RNF146: variants seen among roughly 807,000 people sequenced by gnomAD.
RNF146 encodes the protein E3 ubiquitin-protein ligase RNF146.
RNF146 carries 11 observed loss-of-function variants against 29.7 expected under a neutral mutation model. The ratio of observed to expected loss-of-function variants is 0.37; its 90% CI spans 0.23 to 0.61. The LOEUF is 0.61. Among genes scored for constraint, RNF146 ranks in the 20% least tolerant of loss-of-function variants. The pLI, the probability that RNF146 is intolerant of heterozygous loss-of-function variation, is 0.66. For synonymous variants in RNF146, 150 were observed against 159.7 expected, an observed-to-expected ratio of 0.94 and a Z score of 0.46; for missense variants, 342 against 438.9, an observed-to-expected ratio of 0.78 and a Z score of 1.97.
intron 2 of RNF146, among the ~76,000 whole-genome samples, chr6:127,281,291 TTATC>T (rs1778883409): frequency 1.3e-5 from 2 of 151,754 alleles, no homozygotes; most frequent in Non-Finnish European, 3.0e-5. Context: ...TCCTGTCCAT[TTATC>T]TATCTGTATA....
At position 127,271,718 on chromosome 6, in the gene RNF146, A is replaced by G. The variant is rs189698666; in HGVS notation, c.-109+4793A>G. Among the ~76,000 whole-genome samples, 330 of 152,356 alleles carry G rather than the reference A, an allele frequency of 2.2e-3. 1 individual carries two copies. The highest frequency in any genetic ancestry group is 3.7e-3 in the Non-Finnish European group (252 of 68,022). On this transcript the variant is annotated intron_variant, in intron 1 of 2. Transcript: ENST00000368314. ...CGCTTACCCAAGAACATAAAATATT[A>G]CATTAACAATTTATATTGAAACATA...
rs375416929 is a variant in RNF146, at chr6:127,287,389, A to G, written c.776A>G (p.Glu259Gly). 2.5e-6 allele frequency: 4 copies of G among 1,613,338 alleles called. No homozygotes were observed. Among genetic ancestry groups the G allele is most frequent in the Non-Finnish European group, 3.4e-6 (4 of 1,179,646 alleles). Residue 259 changes from glutamate (E) to glycine (G), a missense_variant, in exon 3 of 3, where the codon GAA (glutamate) becomes GGA (glycine). Around this residue, in one of 6 missense-constraint regions of RNF146, gnomAD observed 196 missense variants for 208.9 expected, o/e 0.94. Transcript: ENST00000368314. ...CAACTCAGTGGAGACAACACAGCTG[A>G]AAGGAGTCATAGGGGAGAAGGAGAA... Reference protein sequence around the residue: ...HLQLSGDNTAERSHRGEGEED... With the variant: ...HLQLSGDNTAGRSHRGEGEED...
intron 1 of RNF146, among the ~76,000 whole-genome samples, chr6:127,272,984 G>C (rs1777706652): frequency 6.6e-6 from 1 of 152,156 alleles, no homozygotes; most frequent in Non-Finnish European, 1.5e-5. Context: ...TGTTTATAAG[G>C]TGTCTGTCTG....
At chr6:127,283,468 G>T (rs1254315660) in intron 2 of RNF146, among the ~76,000 whole-genome samples, 1 of 151,718 alleles carries the variant, frequency 6.6e-6, no homozygotes, top group African/African-American at 2.4e-5. Context: ...ATATTGGTAT[G>T]ATCATCTGCA....
At chr6:127,280,602 C>T (rs2114483976) in intron 2 of RNF146, 32 of 1,148,382 alleles carry the variant, frequency 2.8e-5, no homozygotes, top group Non-Finnish European at 3.4e-5. Flanking sequence ...AATAGATCTC[C>T]AGGTCCTCTG....
At chr6:127,277,310 A>ACATAGC (rs1476559617) in intron 1 of RNF146, among the ~76,000 whole-genome samples, 4 of 152,002 alleles carry the variant, frequency 2.6e-5, no homozygotes, top group South Asian at 2.1e-4. Context: ...AAGGAAATGA[A>ACATAGC]CATAGCCTTC....
chr6:127,267,747 C>T (rs1299863758), intron 1 of RNF146, among the ~76,000 whole-genome samples: 2 of 152,090 alleles, frequency 1.3e-5, no homozygotes, highest in Non-Finnish European at 2.9e-5. Context: ...TCAGAATATC[C>T]CTTGAGCCTC....
chr6:127,268,101 T>G (rs1399657545), intron 1 of RNF146, among the ~76,000 whole-genome samples: 1 of 152,210 alleles, frequency 6.6e-6, no homozygotes, highest in Non-Finnish European at 1.5e-5. Flanking sequence ...TTAATATTTT[T>G]GTAATATCGA....
chr6:127,287,254 C>T lies in RNF146; in HGVS notation c.641C>T (p.Pro214Leu), dbSNP rs754963130. 6.2e-7 allele frequency: 1 copy of T among 1,613,308 alleles called. No individual in the cohort carries two copies. Among genetic ancestry groups the T allele is most frequent in the East Asian group, 2.2e-5 (1 of 44,816 alleles). Residue 214 changes from proline (P) to leucine (L), a missense_variant, in exon 3 of 3, where the codon CCC becomes CTC. By Grantham distance (98) the Pro-to-Leu change is moderately conservative. Around this residue, in one of 6 missense-constraint regions of RNF146, gnomAD observed 196 missense variants for 208.9 expected, o/e 0.94. Coordinates refer to ENST00000368314, the MANE Select transcript of RNF146 (RefSeq NM_001242850.2). ...VSAQSGASVQ[P>L]LVSSVRPLTS... ...GCACAGAGTGGAGCTTCTGTTCAGC[C>T]CCTAGTGTCTTCTGTAAGGCCCCTA...
In RNF146 at chr6:127,287,014, A is replaced by G. The variant is rs1335101929; in HGVS notation, c.401A>G (p.Lys134Arg). ...GAAGATGCTTTTTCCAAAGGTAAAAAGAACACTGAAATGTTAATTGCTGGC... is the reference window on the plus strand; with the variant it reads ...GAAGATGCTTTTTCCAAAGGTAAAAGGAACACTGAAATGTTAATTGCTGGC... ...ELEDAFSKGK[K>R]NTEMLIAGFL... The change falls in exon 3 of 3, where the codon AAG (lysine) becomes AGG (arginine). Residue 134 changes from lysine to arginine, a missense_variant. Physicochemically the swap from Lys to Arg is conservative, Grantham distance 26 (BLOSUM62 2). Coordinates refer to ENST00000368314, the MANE Select transcript of RNF146 (RefSeq NM_001242850.2). 1.2e-6 allele frequency: 2 copies of G among 1,613,448 alleles called. No individual in the cohort carries two copies.
At position 127,287,611 on chromosome 6, in the gene RNF146, G is replaced by A. The variant is rs143742264; in HGVS notation, c.998G>A (p.Arg333Gln). 8.1e-6 allele frequency: 13 copies of A among 1,612,818 alleles called. No homozygotes were observed. The highest frequency in any genetic ancestry group is 2.2e-5 in the East Asian group (1 of 44,806). The change falls in exon 3 of 3, where the codon CGA (arginine) becomes CAA (glutamine). Residue 333 changes from arginine to glutamine, a missense_variant. By Grantham distance (43) the Arg-to-Gln change is conservative. Around this residue, in one of 6 missense-constraint regions of RNF146, gnomAD observed 196 missense variants for 208.9 expected, o/e 0.94. Coordinates refer to ENST00000368314, the MANE Select transcript of RNF146 (RefSeq NM_001242850.2). ...CGATCAGATCGATCGGGAACTGATCGATCAGTAGCAGGGGGTGGAACAGTG... is the reference window on the plus strand; with the variant it reads ...CGATCAGATCGATCGGGAACTGATCAATCAGTAGCAGGGGGTGGAACAGTG... The part of the protein sequence containing the change: ...PDRSDRSGTD[R>Q]SVAGGGTVSV...
chr6:127,279,294 A>G (rs1452988547), intron 1 of RNF146, among the ~76,000 whole-genome samples: 1 of 151,804 alleles, frequency 6.6e-6, no homozygotes, highest in Non-Finnish European at 1.5e-5. Flanking sequence ...GTTAACTTTT[A>G]TATATAGTAT....
chr6:127,266,692 A>G, upstream of RNF146: 1 of 152,412 alleles, frequency 6.6e-6, no homozygotes, highest in Non-Finnish European at 1.5e-5. Flanking sequence ...CAAGCAGCGA[A>G]GTCGCCGCTC....
intron 1 of RNF146, among the ~76,000 whole-genome samples, chr6:127,275,928 T>C (rs1383347671): frequency 1.3e-5 from 2 of 152,154 alleles, no homozygotes; most frequent in African/African-American, 4.8e-5. Context: ...TTAAAACCTT[T>C]TAATGTTGTC....
chr6:127,287,404 G>T lies in RNF146; in HGVS notation c.791G>T (p.Gly264Val), dbSNP rs1562294031. Residue 264 changes from glycine (G) to valine (V), a missense_variant, in exon 3 of 3, where the codon GGA (glycine) becomes GTA (valine). Gly to Val is a moderately radical substitution (Grantham distance 109, BLOSUM62 -3). Coordinates refer to ENST00000368314, the MANE Select transcript of RNF146 (RefSeq NM_001242850.2). ...AACACAGCTGAAAGGAGTCATAGGG[G>T]AGAAGGAGAAGAAGATCATGAATCA... ...GDNTAERSHRGEGEEDHESPS... is the reference protein window; with the variant it reads ...GDNTAERSHRVEGEEDHESPS... 1 of 1,613,542 alleles carries T rather than the reference G, an allele frequency of 6.2e-7. No individual in the cohort carries two copies. Among genetic ancestry groups the T allele is most frequent in the East Asian group, 2.2e-5 (1 of 44,834 alleles).
intron 2 of RNF146, chr6:127,280,554 A>G (rs1778792009): frequency 6.4e-6 from 8 of 1,241,380 alleles, no homozygotes; most frequent in Non-Finnish European, 8.1e-6. Flanking sequence ...CTCTATAAGA[A>G]AAACTGAAGA....
At chr6:127,270,419 G>GT (rs1376116471) in intron 1 of RNF146, among the ~76,000 whole-genome samples, 1 of 152,080 alleles carries the variant, frequency 6.6e-6, no homozygotes, top group Admixed American at 6.6e-5. Flanking sequence ...AATTATGTAT[G>GT]TTTGAGTTAT....
chr6:127,277,370 G>C lies in RNF146; in HGVS notation c.-108-2861G>C, dbSNP rs1778354436. On this transcript the variant is annotated intron_variant, in intron 1 of 2. Coordinates refer to ENST00000368314, the MANE Select transcript of RNF146 (RefSeq NM_001242850.2). ...TCCTTGAAGTTGGTGAAAGGGTTGA[G>C]AGGAAAGTCAAAATAGTGGAGTCCA... Among the ~76,000 whole-genome samples the C allele has an allele frequency of 2.6e-5, 4 of 152,038 alleles. No homozygotes were observed. The South Asian group carries it at 6.2e-4, about 24-fold the overall frequency.
chr6:127,281,345 T>C lies in RNF146; in HGVS notation c.2+1005T>C, dbSNP rs140197363. Among the ~76,000 whole-genome samples, 252 of 151,828 alleles carry C rather than the reference T, an allele frequency of 1.7e-3. 9 individuals are homozygous for C. In the East Asian group the frequency reaches 0.046, roughly 28 times the overall value. On this transcript the variant is annotated intron_variant, in intron 2 of 2. Transcript: ENST00000368314. ...TTAATAGGTCAGATAGTCTAGGTGC[T>C]GGTCATCAAGGAACTTACTGTGATC...
Sources: allele counts gnomAD v4.1 joint callset (sites outside exome capture counted in the v4.1 genomes callset), GRCh38; gene constraint gnomAD v4.1.1; regional missense constraint gnomAD v4.1.1; transcripts MANE v1.5; gene names NCBI Gene and HGNC (gene_info 2026-07-23, HGNC 2026-07-21).